Variants in COL21A1 observed in about 807,000 individuals in gnomAD.
COL21A1 encodes the protein collagen alpha-1(XXI) chain.
Under a neutral mutation model 137.9 loss-of-function variants are expected in COL21A1, and 149 were observed. That is an observed-to-expected ratio of 1.08 (90% CI 0.95 to 1.24). COL21A1 has a LOEUF of 1.24. COL21A1 is among the 50% of genes most tolerant of loss of function. The probability of loss-of-function intolerance (pLI) is 0.00; values close to 1 mark genes in which losing one functional copy is unlikely to be tolerated. For synonymous variants in COL21A1, 456 were observed against 391.5 expected (o/e 1.16, Z -1.95); for missense variants, 1,167 against 1,158.4 (o/e 1.01, Z -0.11).
intron 1 of COL21A1, among the ~76,000 whole-genome samples, chr6:56,392,394 A>AG (rs2094031515): frequency 6.6e-6 from 1 of 152,192 alleles, no homozygotes; most frequent in African/African-American, 2.4e-5. Context: ...ATCATATCGA[A>AG]GGGGGAAAAA....
intron 3 of COL21A1, among the ~76,000 whole-genome samples, chr6:56,179,001 G>A (rs1191193808): frequency 6.6e-6 from 1 of 151,008 alleles, no homozygotes; most frequent in African/African-American, 2.4e-5. Flanking sequence ...TAAACTAAAT[G>A]TACAAAAACA....
chr6:56,150,946 G>A (rs894185564), intron 10 of COL21A1, among the ~76,000 whole-genome samples: 8 of 152,260 alleles, frequency 5.3e-5, no homozygotes, highest in East Asian at 3.9e-4. Context: ...TAACTCGGCC[G>A]GGGGCGGTGG....
chr6:56,374,495 C>A (rs1237760320), intron 1 of COL21A1, among the ~76,000 whole-genome samples: 1 of 151,988 alleles, frequency 6.6e-6, no homozygotes, highest in East Asian at 1.9e-4. Flanking sequence ...GAGGCCCAGG[C>A]TAGCGGATCA....
rs766194518 is a variant in COL21A1 at position 56,057,820 on chromosome 6, C to T, written c.2711G>A (p.Ser904Asn). 5.7e-6 allele frequency: 9 copies of T among 1,581,000 alleles called. No individual in the cohort carries two copies. Among genetic ancestry groups the T allele is most frequent in the Non-Finnish European group, 6.9e-6 (8 of 1,165,942 alleles). ...PPGPEGPPGI[S>N]KEGPPGDPGL... ...TGGGTCTCCTGGAGGACCTTCTTTG[C>T]TTATTCCAGGAGGGCCCTCTGGACC... is the stretch of plus-strand genomic sequence containing the variant. Residue 904 changes from serine to asparagine, a missense_variant, in exon 30 of 30, where the codon AGC (serine) becomes AAC (asparagine). Coordinates refer to ENST00000244728, the MANE Select transcript of COL21A1 (RefSeq NM_030820.4).
chr6:56,360,753 C>A (rs76195872), intron 1 of COL21A1, among the ~76,000 whole-genome samples: 12 of 152,152 alleles, frequency 7.9e-5, no homozygotes, highest in African/African-American at 2.6e-4. Flanking sequence ...CAGCAACAAC[C>A]CTCACCTTTT....
intron 1 of COL21A1, among the ~76,000 whole-genome samples, chr6:56,346,299 T>C (rs1338202042): frequency 6.6e-6 from 1 of 152,242 alleles, no homozygotes; most frequent in Non-Finnish European, 1.5e-5. Context: ...TGACCATAGA[T>C]TGGTTTGCCT....
chr6:56,240,357 G>A (rs1562016521), intron 1 of COL21A1, among the ~76,000 whole-genome samples: 1 of 152,140 alleles, frequency 6.6e-6, no homozygotes, highest in Non-Finnish European at 1.5e-5. Flanking sequence ...CCTGGAAGCA[G>A]CCTCCACCTG....
At chr6:56,295,580 A>G (rs1764146034) in intron 1 of COL21A1, among the ~76,000 whole-genome samples, 1 of 151,938 alleles carries the variant, frequency 6.6e-6, no homozygotes, top group Admixed American at 6.6e-5. Flanking sequence ...TATATGGAGT[A>G]TCTTTTCATT....
intron 1 of COL21A1, among the ~76,000 whole-genome samples, chr6:56,321,426 G>A (rs925286185): frequency 6.6e-6 from 1 of 152,086 alleles, no homozygotes; most frequent in African/African-American, 2.4e-5. Context: ...ATTTGATATT[G>A]GAATACATTC....
intron 1 of COL21A1, among the ~76,000 whole-genome samples, chr6:56,335,223 C>T (rs758363492): frequency 2.0e-5 from 3 of 152,130 alleles, no homozygotes; most frequent in Non-Finnish European, 4.4e-5. Flanking sequence ...TAGATGGTCT[C>T]TGCACTGTGA....
chr6:56,121,894 A>G (rs1263002435), intron 16 of COL21A1, among the ~76,000 whole-genome samples: 2 of 152,148 alleles, frequency 1.3e-5, no homozygotes, highest in African/African-American at 4.8e-5. Flanking sequence ...ACAAACAGAC[A>G]AGACAGAAAA....
At chr6:56,344,105 C>A (rs973658046) in intron 1 of COL21A1, among the ~76,000 whole-genome samples, 30 of 152,114 alleles carry the variant, frequency 2.0e-4, no homozygotes, top group African/African-American at 7.0e-4. Flanking sequence ...TAATGTTACT[C>A]AAATGAAATG....
chr6:56,214,812 CT>C (rs1393508406), intron 1 of COL21A1, among the ~76,000 whole-genome samples: 1 of 151,956 alleles, frequency 6.6e-6, no homozygotes, highest in Non-Finnish European at 1.5e-5. Context: ...AGTTTTTACC[CT>C]TATTTAAGCA....
intron 12 of COL21A1, among the ~76,000 whole-genome samples, chr6:56,129,705 AG>A (rs1773360963): frequency 9.4e-5 from 12 of 127,460 alleles, no homozygotes; most frequent in African/African-American, 3.1e-4. Context: ...TGTGTGAGAG[AG>A]AGAGAGAGAG....
chr6:56,126,233 G>A, intron 12 of COL21A1, 84 bp from the exon 13 acceptor site: 1 of 839,426 alleles, frequency 1.2e-6, no homozygotes. Flanking sequence ...CCTCACCCTT[G>A]TCAAAATCCA....
At chr6:56,236,196 C>G (rs1219091153) in intron 1 of COL21A1, among the ~76,000 whole-genome samples, 5 of 151,956 alleles carry the variant, frequency 3.3e-5, no homozygotes, top group Admixed American at 6.6e-5. Flanking sequence ...TGATGTTCCA[C>G]TTGGGGCATA....
At chr6:56,298,105 T>TAAA (rs111713033) in intron 1 of COL21A1, among the ~76,000 whole-genome samples, 21 of 142,910 alleles carry the variant, frequency 1.5e-4, no homozygotes, top group East Asian at 4.1e-4. Context: ...GATGCTAAAT[T>TAAA]AAAAAAAAAA....
intron 1 of COL21A1, among the ~76,000 whole-genome samples, chr6:56,301,280 GAGTT>G (rs1374694185): frequency 1.3e-5 from 2 of 152,132 alleles, no homozygotes; most frequent in Non-Finnish European, 2.9e-5. Flanking sequence ...CACAATGTCT[GAGTT>G]AGAAAGAAAT....
At chr6:56,342,060 G>A (rs775837810) in intron 1 of COL21A1, among the ~76,000 whole-genome samples, 1 of 152,078 alleles carries the variant, frequency 6.6e-6, no homozygotes, top group African/African-American at 2.4e-5. Flanking sequence ...ATGTGACTGG[G>A]CTCCAGTGTT....
Sources: gnomAD v4.1 joint callset for allele counts (sites outside exome capture counted in the v4.1 genomes callset) on GRCh38, gnomAD v4.1.1 for gene constraint, MANE v1.5 for transcripts, NCBI Gene and HGNC (gene_info 2026-07-23, HGNC 2026-07-21) for gene names.